Variants in TENM4 observed in about 807,000 individuals in gnomAD.
The protein encoded by TENM4 is teneurin-4.
TENM4 carries 82 observed loss-of-function variants against 243.3 expected under a neutral mutation model. The ratio of observed to expected loss-of-function variants is 0.34; its 90% CI spans 0.28 to 0.40. The LOEUF (loss-of-function observed/expected upper bound fraction) is 0.40, where lower values mean the gene tolerates loss of function less well. Ranked by LOEUF, TENM4 falls within the 10% of genes least tolerant of loss-of-function variation. The probability of loss-of-function intolerance (pLI) is 1.00; values close to 1 mark genes in which losing one functional copy is unlikely to be tolerated. For missense variants in TENM4, 3,138 were observed against 3,673.3 expected, an observed-to-expected ratio of 0.85 and a Z score of 3.77; for synonymous variants, 1,412 against 1,456.3, an observed-to-expected ratio of 0.97 and a Z score of 0.69.
chr11:78,963,160 C>T (rs1029190465), intron 6 of TENM4, among the ~76,000 whole-genome samples: 2 of 152,192 alleles, frequency 1.3e-5, no homozygotes, highest in Non-Finnish European at 2.9e-5. Context: ...TTAGAACATG[C>T]TATAATTTTA....
intron 1 of TENM4, among the ~76,000 whole-genome samples, chr11:79,342,450 A>G (rs971853915): frequency 6.6e-6 from 1 of 152,116 alleles, no homozygotes; most frequent in East Asian, 1.9e-4. Context: ...GGAGGCGAAG[A>G]GGGTGGGAGG....
chr11:79,192,254 G>C (rs1235282365), intron 3 of TENM4, among the ~76,000 whole-genome samples: 1 of 152,096 alleles, frequency 6.6e-6, no homozygotes, highest in Admixed American at 6.5e-5. Context: ...CCACCACCCC[G>C]TCTGGGAGGT....
chr11:79,246,302 C>A (rs1855514036), intron 2 of TENM4, among the ~76,000 whole-genome samples: 1 of 152,096 alleles, frequency 6.6e-6, no homozygotes, highest in Non-Finnish European at 1.5e-5. Flanking sequence ...CCTCCCTAGA[C>A]CAGACTGGCA....
intron 3 of TENM4, among the ~76,000 whole-genome samples, chr11:79,175,856 A>G (rs1357122054): frequency 6.6e-6 from 1 of 152,196 alleles, no homozygotes; most frequent in African/African-American, 2.4e-5. Flanking sequence ...AGGCCAAGGC[A>G]GGAAGATCAC....
chr11:79,227,290 T>C (rs555703401), intron 2 of TENM4, among the ~76,000 whole-genome samples: 4 of 152,368 alleles, frequency 2.6e-5, no homozygotes, highest in Admixed American at 2.6e-4. Context: ...CATTGGTTGC[T>C]GTCATTGGTG....
At chr11:79,138,219 G>A (rs557749014) in intron 4 of TENM4, among the ~76,000 whole-genome samples, 1 of 147,922 alleles carries the variant, frequency 6.8e-6, no homozygotes, top group South Asian at 2.1e-4. Flanking sequence ...TTCAGTTTTG[G>A]AACTTGGACT....
chr11:79,169,159 C>A (rs1368884775), intron 3 of TENM4, among the ~76,000 whole-genome samples: 1 of 152,204 alleles, frequency 6.6e-6, no homozygotes, highest in Non-Finnish European at 1.5e-5. Flanking sequence ...ATGAGCCTAG[C>A]CAAGCTTTAT....
intron 12 of TENM4, among the ~76,000 whole-genome samples, chr11:78,837,604 G>A (rs1459152575): frequency 2.6e-5 from 4 of 152,182 alleles, no homozygotes; most frequent in African/African-American, 7.2e-5. Context: ...AGGGAAGGAA[G>A]TGGGCAGGTG....
intron 2 of TENM4, among the ~76,000 whole-genome samples, chr11:79,290,033 T>C (rs1001873933): frequency 1.2e-4 from 18 of 152,032 alleles, no homozygotes; most frequent in African/African-American, 4.1e-4. Context: ...TGACCTCAGG[T>C]GATCCGCCCA....
intron 2 of TENM4, among the ~76,000 whole-genome samples, chr11:79,257,400 A>G (rs1007923803): frequency 2.0e-5 from 3 of 152,184 alleles, no homozygotes; most frequent in African/African-American, 7.2e-5. Flanking sequence ...AGTTTCAGGT[A>G]AAGACTGAAT....
At chr11:79,228,038 A>T (rs1864304171) in intron 2 of TENM4, among the ~76,000 whole-genome samples, 1 of 152,224 alleles carries the variant, frequency 6.6e-6, no homozygotes, top group African/African-American at 2.4e-5. Context: ...CATTTTAGTG[A>T]CTGCTGAGAG....
At chr11:79,046,339 G>A (rs893154953) in intron 6 of TENM4, among the ~76,000 whole-genome samples, 1 of 152,120 alleles carries the variant, frequency 6.6e-6, no homozygotes, top group African/African-American at 2.4e-5. Flanking sequence ...GCACCAAAAA[G>A]CTGCAAATTT....
rs554775798 is a variant in TENM4 at position 79,370,634 on chromosome 11, C to A, written c.-321+69875G>T. Among the ~76,000 whole-genome samples, 118 of 152,086 alleles carry A rather than the reference C, an allele frequency of 7.8e-4. 3 individuals carry two copies. The South Asian group carries it at 0.024, about 31-fold the overall frequency. The stretch of plus-strand genomic sequence containing the variant: ...AGCGTGGGGCTTCTGTTGGGAGGAA[C>A]CTGAGCCTCATGCTCCTGTCCTCTC... On this transcript the variant is annotated intron_variant, in intron 1 of 33. Transcript: ENST00000278550.
chr11:79,284,014 T>C (rs2135369534), intron 2 of TENM4, among the ~76,000 whole-genome samples: 1 of 152,292 alleles, frequency 6.6e-6, no homozygotes, highest in South Asian at 2.1e-4. Context: ...GAAAGACTTG[T>C]ATACTAAATA....
At chr11:79,182,681 G>A (rs1863307031) in intron 3 of TENM4, among the ~76,000 whole-genome samples, 1 of 152,040 alleles carries the variant, frequency 6.6e-6, no homozygotes, top group South Asian at 2.1e-4. Flanking sequence ...TCTAGTGAAG[G>A]ACTGTTAGCC....
chr11:79,235,088 T>C (rs780467156), intron 2 of TENM4, among the ~76,000 whole-genome samples: 178 of 150,976 alleles, frequency 1.2e-3, no homozygotes, highest in Non-Finnish European at 2.2e-3. Context: ...CTGAGGCGGG[T>C]GGATCATGAG....
intron 12 of TENM4, among the ~76,000 whole-genome samples, chr11:78,849,210 T>C (rs552514047): frequency 5.3e-5 from 8 of 152,338 alleles, no homozygotes; most frequent in Non-Finnish European, 1.2e-4. Flanking sequence ...TTGCAAGCAA[T>C]GCATACAAAG....
At chr11:79,239,606 A>G (rs1464641329) in intron 2 of TENM4, among the ~76,000 whole-genome samples, 2 of 152,222 alleles carry the variant, frequency 1.3e-5, no homozygotes, top group African/African-American at 2.4e-5. Flanking sequence ...GGGATGGTGC[A>G]TCACAGAGAA....
intron 4 of TENM4, among the ~76,000 whole-genome samples, chr11:79,142,068 G>C (rs1862296725): frequency 6.6e-6 from 1 of 152,082 alleles, no homozygotes; most frequent in Non-Finnish European, 1.5e-5. Context: ...TTTCCTCTAA[G>C]ATGTGGAACG....
Sources: allele counts gnomAD v4.1 joint callset (sites outside exome capture counted in the v4.1 genomes callset), GRCh38; gene constraint gnomAD v4.1.1; transcripts MANE v1.5; gene names NCBI Gene and HGNC (gene_info 2026-07-23, HGNC 2026-07-21).